The following KLHL29 variants were observed in gnomAD, a reference collection of about 807,000 sequenced individuals.
KLHL29 encodes kelch like family member 29.
KLHL29 carries 21 observed loss-of-function variants against 80.4 expected under a neutral mutation model. That is an observed-to-expected ratio of 0.26 (90% CI 0.19 to 0.38). The LOEUF is 0.38. Among genes scored for constraint, KLHL29 ranks in the 10% least tolerant of loss-of-function variants. The pLI, the probability that KLHL29 is intolerant of heterozygous loss-of-function variation, is 1.00. For missense variants in KLHL29, 867 were observed against 1,223.9 expected, an observed-to-expected ratio of 0.71 and a Z score of 4.35; for synonymous variants, 511 against 526.8, an observed-to-expected ratio of 0.97 and a Z score of 0.41.
Position 23,457,020 on chromosome 2 carries a change from T to A in KLHL29, c.-153-18540T>A, listed in dbSNP as rs1664074100. Among the ~76,000 whole-genome samples the A allele has an allele frequency of 6.6e-6, 1 of 152,086 alleles. No individual in the cohort carries two copies. The highest frequency in any genetic ancestry group is 2.4e-5 in the African/African-American group (1 of 41,424). ...GAGCAGGGTGGCGGCATCTCAGGTG[T>A]CAGGGCCGGAGCAGCAGAGGTCGAG... On this transcript the variant is annotated intron_variant, in intron 1 of 13. Coordinates refer to ENST00000486442, the MANE Select transcript of KLHL29 (RefSeq NM_052920.2). The surrounding 1 kb of genome is among the most constrained non-coding windows in gnomAD (Gnocchi z 4.3).
chr2:23,449,949 C>T (rs1663822575), intron 1 of KLHL29, among the ~76,000 whole-genome samples: 2 of 152,186 alleles, frequency 1.3e-5, no homozygotes, highest in Admixed American at 6.5e-5. Context: ...TGGCTTTATT[C>T]TGTGCTCAAG....
At chr2:23,548,074 C>T (rs1667023616) in intron 2 of KLHL29, among the ~76,000 whole-genome samples, 1 of 104 alleles carries the variant, frequency 9.6e-3, no homozygotes, top group Admixed American at 0.071. Context: ...CTATGTCAAG[C>T]CGAGGCAGGG....
chr2:23,541,835 G>A (rs550822198), intron 2 of KLHL29, among the ~76,000 whole-genome samples: 1 of 151,554 alleles, frequency 6.6e-6, no homozygotes, highest in Admixed American at 6.6e-5. Flanking sequence ...GTGCCTTCTT[G>A]TGTGAGATGA....
rs567891384 is a variant in KLHL29 at position 23,454,928 on chromosome 2, G to A, written c.-153-20632G>A. Reference sequence around the variant, plus strand: ...CTTGGCACTTGGCATGGAATTCCGTGGCGCCTTTCCATTAAAGAGGGCTAA... The same window carrying A: ...CTTGGCACTTGGCATGGAATTCCGTAGCGCCTTTCCATTAAAGAGGGCTAA... On this transcript the variant is annotated intron_variant, in intron 1 of 13. Coordinates refer to ENST00000486442, the MANE Select transcript of KLHL29 (RefSeq NM_052920.2). Among the ~76,000 whole-genome samples, 6 of 151,248 alleles carry A rather than the reference G, an allele frequency of 4.0e-5. No homozygotes were observed. The South Asian group carries it at 1.3e-3, about 32-fold the overall frequency.
chr2:23,420,894 A>G (rs1662779682), intron 1 of KLHL29, among the ~76,000 whole-genome samples: 1 of 152,004 alleles, frequency 6.6e-6, no homozygotes, highest in East Asian at 1.9e-4. Context: ...TTCAAAGCCG[A>G]GCATCAATCT....
chr2:23,440,160 C>T (rs1235703180), intron 1 of KLHL29, among the ~76,000 whole-genome samples: 1 of 152,092 alleles, frequency 6.6e-6, no homozygotes, highest in African/African-American at 2.4e-5. Flanking sequence ...ACAGAGCCCT[C>T]AGAAATAACG....
chr2:23,414,250 C>A (rs1666931167), intron 1 of KLHL29, among the ~76,000 whole-genome samples: 1 of 152,114 alleles, frequency 6.6e-6, no homozygotes, highest in Admixed American at 6.5e-5. Context: ...GCAAAGCTTC[C>A]TGTGAGCTGG....
chr2:23,634,367 G>GA (rs11381153), intron 3 of KLHL29, among the ~76,000 whole-genome samples: 18,262 of 152,182 alleles, frequency 0.12, 2,051 homozygotes, highest in East Asian at 0.48. Context: ...TATCTAGGCT[G>GA]AAAATGCACT....
chr2:23,547,564 A>G (rs1432268), intron 2 of KLHL29, among the ~76,000 whole-genome samples: 125,606 of 151,882 alleles, frequency 0.83, 52,292 homozygotes, highest in East Asian at 1. Flanking sequence ...AAGTGCCCAG[A>G]AAGTGTTCGC....
intron 3 of KLHL29, among the ~76,000 whole-genome samples, chr2:23,563,776 G>T (rs1051120728): frequency 1.3e-5 from 2 of 152,314 alleles, no homozygotes. Flanking sequence ...GGCTCGGAGC[G>T]CACTGACATC....
chr2:23,500,745 G>C (rs1220135005), intron 2 of KLHL29, among the ~76,000 whole-genome samples: 2 of 152,194 alleles, frequency 1.3e-5, no homozygotes, highest in Non-Finnish European at 2.9e-5. Flanking sequence ...TCCAAGAAAA[G>C]AGTTTTAAAA....
chr2:23,460,420 A>AG (rs979983763), intron 1 of KLHL29, among the ~76,000 whole-genome samples: 2 of 152,092 alleles, frequency 1.3e-5, no homozygotes, highest in Non-Finnish European at 1.5e-5. Flanking sequence ...GTCATGATGT[A>AG]GGGGGGAAGG....
In KLHL29 at chr2:23,707,723, A is replaced by G. The variant is rs1672817579; in HGVS notation, c.*1059A>G. ...AGGGAAGGAGGGAGAATTAGCGTCTATAAAGCACAGGAGACTATTTTTGAT... is the reference window on the plus strand; with the variant it reads ...AGGGAAGGAGGGAGAATTAGCGTCTGTAAAGCACAGGAGACTATTTTTGAT... On this transcript the variant is annotated 3_prime_UTR_variant, in exon 14 of 14. Transcript: ENST00000486442. 1 of 152,320 alleles carries G rather than the reference A, an allele frequency of 6.6e-6. No individual in the cohort carries two copies. The highest frequency in any genetic ancestry group is 2.4e-5 in the African/African-American group (1 of 41,470). The allele number at this position is 152,320 out of a possible 1,614,324, so 9.4% of individuals were successfully genotyped here.
intron 2 of KLHL29, among the ~76,000 whole-genome samples, chr2:23,537,829 T>C (rs887479495): frequency 6.6e-6 from 1 of 152,130 alleles, no homozygotes; most frequent in African/African-American, 2.4e-5. Flanking sequence ...AGGAGCTCAT[T>C]GGATCCTGGT....
chr2:23,488,161 C>T lies in KLHL29; in HGVS notation c.-46+12494C>T, dbSNP rs565536435. 7.9e-5 allele frequency among the ~76,000 whole-genome samples: 12 copies of T among 152,306 alleles called. No individual in the cohort carries two copies. In the South Asian group the frequency reaches 1.5e-3, roughly 18 times the overall value. ...CCCGTCTTATTTGTCAGGTGGGCTT[C>T]GCAATAACACACCTCCTGCCCCTGG... On this transcript the variant is annotated intron_variant, in intron 2 of 13. Transcript: ENST00000486442.
chr2:23,583,267 A>C (rs554953590), intron 3 of KLHL29, among the ~76,000 whole-genome samples: 3 of 152,300 alleles, frequency 2.0e-5, no homozygotes, highest in African/African-American at 7.2e-5. Context: ...ACCCCATGGA[A>C]GGGTCTCTTC....
chr2:23,487,894 A>G (rs1036430533), intron 2 of KLHL29, among the ~76,000 whole-genome samples: 1 of 152,202 alleles, frequency 6.6e-6, no homozygotes, highest in Non-Finnish European at 1.5e-5. Context: ...AAACCTCTGC[A>G]GCTGGGCCGT....
Position 23,520,996 on chromosome 2 carries a change from C to CCG in KLHL29, c.-45-41155_-45-41154insGC, listed in dbSNP as rs1553334455. ...TGCTTTCATTTTACAAAGACCACCC[C>CCG]CCCCCCCGCTCCCCCTCAGGGGTGT... On this transcript the variant is annotated intron_variant, in intron 2 of 13. Coordinates refer to ENST00000486442, the MANE Select transcript of KLHL29 (RefSeq NM_052920.2). Among the ~76,000 whole-genome samples the CCG allele has an allele frequency of 7.2e-4, 109 of 151,490 alleles. 2 individuals are homozygous for CCG. Among genetic ancestry groups the CCG allele is most frequent in the African/African-American group, 2.6e-3 (108 of 40,826 alleles).
intron 2 of KLHL29, among the ~76,000 whole-genome samples, chr2:23,513,748 G>A (rs903987379): frequency 7.2e-5 from 11 of 152,216 alleles, no homozygotes; most frequent in South Asian, 4.2e-4. Context: ...TCGAGGATGC[G>A]CTGGGTGCAG....
Sources: allele counts gnomAD v4.1 joint callset (sites outside exome capture counted in the v4.1 genomes callset), GRCh38; gene constraint gnomAD v4.1.1; non-coding constraint Gnocchi (gnomAD v3.1); transcripts MANE v1.5; gene names NCBI Gene and HGNC (gene_info 2026-07-23, HGNC 2026-07-21).